Variants in ATP8B3 observed in about 807,000 individuals in gnomAD.
ATP8B3 encodes ATPase phospholipid transporting 8B3, also known as phospholipid-transporting ATPase IK.
ATP8B3 carries 141 observed loss-of-function variants against 140.9 expected under a neutral mutation model. That is an observed-to-expected ratio of 1.00 (90% CI 0.87 to 1.15). The LOEUF is 1.15. ATP8B3 is among the 50% of genes most tolerant of loss of function. ATP8B3 has a pLI of 0.00. For synonymous variants in ATP8B3, 765 were observed against 714.6 expected (o/e 1.07, Z -1.13); for missense variants, 1,874 against 1,740.6 (o/e 1.08, Z -1.36).
At position 1,783,101 on chromosome 19, in the gene ATP8B3, C is replaced by A; in HGVS notation, c.3830G>T (p.Ser1277Ile). 6.2e-7 allele frequency: 1 copy of A among 1,613,506 alleles called. No homozygotes were observed. The highest frequency in any genetic ancestry group is 8.5e-7 in the Non-Finnish European group (1 of 1,179,754). Reference protein sequence around the residue: ...GTILRRGPGVSSDIASESLDP... With the variant: ...GTILRRGPGVISDIASESLDP... ...TAGGGATTCAGATGCTATGTCACTGCTGACCCCTGGTCCCCTCCGCAGAAT... is the reference window on the plus strand; with the variant it reads ...TAGGGATTCAGATGCTATGTCACTGATGACCCCTGGTCCCCTCCGCAGAAT... Residue 1277 changes from serine (S) to isoleucine (I), a missense_variant, in exon 29 of 29, where the codon AGC becomes ATC. Transcript: ENST00000310127.
chr19:1,801,798 A>T (rs979258340), intron 12 of ATP8B3, among the ~76,000 whole-genome samples, 158 bp downstream of exon 12: 15 of 152,086 alleles, frequency 9.9e-5, no homozygotes, highest in Middle Eastern at 3.2e-3. Context: ...AAAACTTTTT[A>T]AAAAATTACT....
rs960805899 is a variant in ATP8B3, at chr19:1,785,456, G to A, written c.3393+13C>T. Reference sequence around the variant, plus strand: ...CATGTCCAAGGCCCCGGGGAGGTGAGGACCTTGCCCACCTCCATGGTGATG... The same window carrying A: ...CATGTCCAAGGCCCCGGGGAGGTGAAGACCTTGCCCACCTCCATGGTGATG... On this transcript the variant is annotated intron_variant, in intron 26 of 28. Transcript: ENST00000310127. 6.2e-7 allele frequency: 1 copy of A among 1,611,422 alleles called. No homozygotes were observed. The highest frequency in any genetic ancestry group is 1.3e-5 in the African/African-American group (1 of 74,912).
Position 1,788,991 on chromosome 19 carries a change from C to G in ATP8B3, c.2975G>C (p.Arg992Pro). The G allele has an allele frequency of 1.2e-5, 19 of 1,610,472 alleles. No individual in the cohort carries two copies. The highest frequency in any genetic ancestry group is 1.6e-5 in the Non-Finnish European group (19 of 1,178,768). ...GAAGTAGCGCAGGAACTTGCAGATC[C>G]GCACGTAGGACCAGCGGCCGTGCAC... ...LLVHGRWSYV[R>P]ICKFLRYFFY... The change falls in exon 24 of 29, where the codon CGG becomes CCG. Residue 992 changes from arginine (R) to proline (P), a missense_variant. By Grantham distance (103) the Arg-to-Pro change is moderately radical. Transcript: ENST00000310127.
Position 1,800,425 on chromosome 19 carries a change from A to C in ATP8B3, c.1177T>G (p.Cys393Gly), listed in dbSNP as rs368204762. 3.1e-6 allele frequency: 5 copies of C among 1,611,062 alleles called. No homozygotes were observed. In the African/African-American group the frequency reaches 5.3e-5, roughly 17 times the overall value. ...CCGAAGCCGAAGGCCAACACCAGGC[A>C]GACAAGCACCACGGAGATGAAGATC... ...VVIFISVVLV[C>G]LVLAFGFGFS... The change falls in exon 13 of 29, where the codon TGC (cysteine) becomes GGC (glycine). Residue 393 changes from cysteine to glycine, a missense_variant. Cys to Gly is a radical substitution (Grantham distance 159). Around this residue, in one of 3 missense-constraint regions of ATP8B3, gnomAD observed 1,032 missense variants for 963.6 expected, o/e 1.07. Transcript: ENST00000310127. The surrounding 1 kb of genome is among the most constrained non-coding windows in gnomAD (Gnocchi z 4.4).
At chr19:1,803,507 G>A (rs1466905985) in intron 10 of ATP8B3, among the ~76,000 whole-genome samples, 3 of 152,200 alleles carry the variant, frequency 2.0e-5, no homozygotes, top group Admixed American at 6.5e-5. Flanking sequence ...GCAGATGGAC[G>A]AGGCCAGGGC....
At chr19:1,811,913 C>A in intron 1 of ATP8B3, 29 bp from the exon 2 acceptor site, 1 of 703,002 alleles carries the variant, frequency 1.4e-6, no homozygotes, top group East Asian at 2.9e-5. Context: ...ACGGACACAG[C>A]GCTGGCTTCC....
At position 1,806,404 on chromosome 19, in the gene ATP8B3, C is replaced by T. The variant is rs548802115; in HGVS notation, c.677+224G>A. 1 of 1,444,118 alleles carries T rather than the reference C, an allele frequency of 6.9e-7. No homozygotes were observed. The highest frequency in any genetic ancestry group is 9.0e-7 in the Non-Finnish European group (1 of 1,105,402). The allele number at this position is 1,444,118 out of a possible 1,614,324, so 89.5% of individuals were successfully genotyped here. On this transcript the variant is annotated intron_variant, in intron 7 of 28. Coordinates refer to ENST00000310127, the MANE Select transcript of ATP8B3 (RefSeq NM_138813.4). This position sits in a 1 kb window ranked among gnomAD's most constrained non-coding sequence, Gnocchi z 5.6. ...CCTCTTCAGACTTTCCTTGTCCTCC[C>T]CATCGCCCGAGCCCTAAGCTCTGCA...
rs939660973 is a variant in ATP8B3 at position 1,810,532 on chromosome 19, G to T, written c.310+90C>A. The T allele has an allele frequency of 4.6e-6, 6 of 1,317,624 alleles. No homozygotes were observed. The African/African-American group carries it at 9.0e-5, about 20-fold the overall frequency. The allele number at this position is 1,317,624 out of a possible 1,614,324, so 81.6% of individuals were successfully genotyped here. On this transcript the variant is annotated intron_variant, in intron 3 of 28. Coordinates refer to ENST00000310127, the MANE Select transcript of ATP8B3 (RefSeq NM_138813.4). ...ACCCGCCTCAGCCTCCCAAAGTGCC[G>T]GGATTACAGGGGAGAGCCACCACGC...
chr19:1,798,380 C>A (rs2068743615), intron 14 of ATP8B3, among the ~76,000 whole-genome samples: 1 of 151,986 alleles, frequency 6.6e-6, no homozygotes, highest in South Asian at 2.1e-4. Context: ...TTTGTACGGC[C>A]TGCGAGCTAA....
rs1399751012 is a variant in ATP8B3 at position 1,785,725 on chromosome 19, G to A, written c.3154-17C>T. 6.4e-6 allele frequency: 8 copies of A among 1,253,560 alleles called. No individual in the cohort carries two copies. Among genetic ancestry groups the A allele is most frequent in the South Asian group, 6.3e-5 (5 of 79,510 alleles). The allele number at this position is 1,253,560 out of a possible 1,614,324, so 77.7% of individuals were successfully genotyped here. On this transcript the variant is annotated splice_polypyrimidine_tract_variant and intron_variant, in intron 25 of 28. Coordinates refer to ENST00000310127, the MANE Select transcript of ATP8B3 (RefSeq NM_138813.4). ...GCTCACGTCCTTGGGGCAAGCAGAA[G>A]CTCTTGGGATTGGGTGGGGGGCGGG...
chr19:1,811,693 C>T lies in ATP8B3; in HGVS notation c.44G>A (p.Gly15Asp), dbSNP rs2069193340. 5 of 1,606,450 alleles carry T rather than the reference C, an allele frequency of 3.1e-6. No individual in the cohort carries two copies. Among genetic ancestry groups the T allele is most frequent in the African/African-American group, 1.3e-5 (1 of 74,910 alleles). The change falls in exon 2 of 29, where the codon GGC (glycine) becomes GAC (aspartate). Residue 15 changes from glycine to aspartate, a missense_variant. Gly to Asp is a moderately conservative substitution (Grantham distance 94). Around this residue, in one of 3 missense-constraint regions of ATP8B3, gnomAD observed 1,032 missense variants for 963.6 expected, o/e 1.07. Coordinates refer to ENST00000310127, the MANE Select transcript of ATP8B3 (RefSeq NM_138813.4). The stretch of plus-strand genomic sequence containing the variant: ...TGGTGGGGCAGGGCTTGGCTCAGGG[C>T]CAGCTCTGGTGCTCCTGGGAGTCTG... ...PAQTPRSTRA[G>D]PEPSPAPPGP...
rs1412166595 is a variant in ATP8B3 at position 1,789,396 on chromosome 19, A to C, written c.2810T>G (p.Ile937Ser). The C allele has an allele frequency of 6.3e-7, 1 of 1,587,624 alleles. No homozygotes were observed. Among genetic ancestry groups the C allele is most frequent in the Admixed American group, 1.7e-5 (1 of 58,632 alleles). Reference sequence around the variant, plus strand: ...GTTGATGTCGTTGGCACCGTCCCCGATGGCCAGGGTCACCACCTGGTGGTA... The same window carrying C: ...GTTGATGTCGTTGGCACCGTCCCCGCTGGCCAGGGTCACCACCTGGTGGTA... ...KKYHQVVTLAIGDGANDINMI... is the reference protein window; with the variant it reads ...KKYHQVVTLASGDGANDINMI... The change falls in exon 23 of 29, where the codon ATC (isoleucine) becomes AGC (serine). Residue 937 changes from isoleucine (I) to serine (S), a missense_variant. Around this residue, in one of 3 missense-constraint regions of ATP8B3, gnomAD observed 840 missense variants for 760.9 expected, o/e 1.10. Transcript: ENST00000310127.
At position 1,796,986 on chromosome 19, in the gene ATP8B3, C is replaced by T. The variant is rs751899122; in HGVS notation, c.1572G>A (p.Thr524=). 13 of 1,613,030 alleles carry T rather than the reference C, an allele frequency of 8.1e-6. No homozygotes were observed. In the Middle Eastern group the frequency reaches 4.9e-4, roughly 61 times the overall value. The change falls in exon 15 of 29, where the codon ACG becomes ACA. Residue 524 remains threonine (T), a synonymous_variant. Transcript: ENST00000310127. ...CAGGCAGGCTCACCTTAGGTCGGGT[C>T]GTGGCCTCTGAATCCGGCCCTGGGG... is the stretch of plus-strand genomic sequence containing the variant. The part of the protein sequence containing the change: ...GRVYGPDSEA[T]TRPKENPYLW...
At chr19:1,785,798 G>A (rs557788490) in intron 25 of ATP8B3, 90 bp from the exon 26 acceptor site, 10 of 1,391,074 alleles carry the variant, frequency 7.2e-6, no homozygotes, top group African/African-American at 1.4e-5. Flanking sequence ...CAGTAGGGTG[G>A]CCACTCTCTG....
At chr19:1,790,142 C>T (rs1434257625) in intron 21 of ATP8B3, among the ~76,000 whole-genome samples, 153 bp from the exon 22 acceptor site, 1 of 121,474 alleles carries the variant, frequency 8.2e-6, no homozygotes, top group Non-Finnish European at 1.8e-5. Context: ...CCCTTTCCTC[C>T]TCCTCCCGCC....
chr19:1,795,938 C>G lies in ATP8B3; in HGVS notation c.1992G>C (p.Thr664=), dbSNP rs529257997. 9 of 1,613,226 alleles carry G rather than the reference C, an allele frequency of 5.6e-6. 1 individual carries two copies. In the South Asian group the frequency reaches 6.6e-5, roughly 12 times the overall value. The change falls in exon 18 of 29, where the codon ACG becomes ACC. Residue 664 remains threonine (T), a synonymous_variant. Transcript: ENST00000310127. ...AICLYTKGAD[T]VIFERLHRRG... ...TCCTGTGCAAGCGTTCGAAGATGACCGTGTCGGCGCCCTTGGTGTACAGGC... is the reference window on the plus strand; with the variant it reads ...TCCTGTGCAAGCGTTCGAAGATGACGGTGTCGGCGCCCTTGGTGTACAGGC...
chr19:1,794,382 G>A lies in ATP8B3; in HGVS notation c.2055+1493C>T, dbSNP rs190382312. Among the ~76,000 whole-genome samples, 3 of 152,204 alleles carry A rather than the reference G, an allele frequency of 2.0e-5. No homozygotes were observed. Among genetic ancestry groups the A allele is most frequent in the East Asian group, 3.9e-4 (2 of 5,172 alleles). On this transcript the variant is annotated intron_variant, in intron 18 of 28. Transcript: ENST00000310127. The surrounding 1 kb of genome is among the most constrained non-coding windows in gnomAD (Gnocchi z 4.8). ...TGGGCTCTAGGTCATTATTGTGACCGCACTTCCAGTTCAGAGTGCCCCCAC... is the reference window on the plus strand; with the variant it reads ...TGGGCTCTAGGTCATTATTGTGACCACACTTCCAGTTCAGAGTGCCCCCAC...
intron 2 of ATP8B3, 52 bp from the exon 3 acceptor site, chr19:1,810,735 G>T: frequency 1.3e-6 from 2 of 1,555,644 alleles, no homozygotes; most frequent in East Asian, 2.3e-5. Context: ...CCCTTGCTGG[G>T]CACCACTCGG....
At chr19:1,795,099 T>C (rs946709274) in intron 18 of ATP8B3, among the ~76,000 whole-genome samples, 4 of 151,308 alleles carry the variant, frequency 2.6e-5, no homozygotes, top group African/African-American at 9.7e-5. Flanking sequence ...CTACTAAAAA[T>C]ACAAAATTGG....
Sources: allele counts gnomAD v4.1 joint callset (sites outside exome capture counted in the v4.1 genomes callset), GRCh38; gene constraint gnomAD v4.1.1; regional missense constraint gnomAD v4.1.1; non-coding constraint Gnocchi (gnomAD v3.1); transcripts MANE v1.5; gene names NCBI Gene and HGNC (gene_info 2026-07-23, HGNC 2026-07-21).